The following OSBPL9 variants were observed in gnomAD, a reference collection of about 807,000 sequenced individuals.
The protein encoded by OSBPL9 is oxysterol binding protein like 9.
A neutral mutation model predicts 106.6 loss-of-function variants in OSBPL9; 40 were observed. The observed-to-expected ratio is 0.38, with a 90% CI of 0.29 to 0.49. The LOEUF is 0.49. OSBPL9 is among the 20% of genes least tolerant of loss of function. The pLI is 0.97. For missense variants in OSBPL9, 609 were observed against 887.2 expected (o/e 0.69, Z 3.98); for synonymous variants, 269 against 295.4 (o/e 0.91, Z 0.92).
intron 1 of OSBPL9, among the ~76,000 whole-genome samples, chr1:51,593,079 C>A (rs542424569): frequency 6.6e-6 from 1 of 152,132 alleles, no homozygotes; most frequent in Non-Finnish European, 1.5e-5. Context: ...CTTTTTGCAT[C>A]CCACTTTTCA....
At chr1:51,768,123 A>G (rs1215801598) in intron 12 of OSBPL9, among the ~76,000 whole-genome samples, 3 of 151,388 alleles carry the variant, frequency 2.0e-5, no homozygotes, top group Non-Finnish European at 4.4e-5. Flanking sequence ...TTGTATTTTT[A>G]GTAGAGACGG....
chr1:51,555,920 A>G, the OSBPL9 span, among the ~76,000 whole-genome samples: 31 of 152,214 alleles, frequency 2.0e-4, no homozygotes, highest in Non-Finnish European at 3.5e-4. Flanking sequence ...TTTTTTTAAA[A>G]TAACATTTTT....
At chr1:51,521,257 T>C in the OSBPL9 span, among the ~76,000 whole-genome samples, 1 of 152,202 alleles carries the variant, frequency 6.6e-6, no homozygotes, top group Non-Finnish European at 1.5e-5. Flanking sequence ...AGATGACATA[T>C]ACAAAAGTGC....
At chr1:51,748,279 G>T (rs1668464243) in intron 6 of OSBPL9, 90 bp from the exon 7 acceptor site, 1 of 1,437,664 alleles carries the variant, frequency 7.0e-7, no homozygotes, top group Admixed American at 3.2e-5. Flanking sequence ...GTACATTTTG[G>T]TAAAATTCTT....
chr1:51,595,097 TC>T (rs1327736363), intron 1 of OSBPL9, among the ~76,000 whole-genome samples: 1 of 152,064 alleles, frequency 6.6e-6, no homozygotes, highest in Non-Finnish European at 1.5e-5. Context: ...CTGGCTGCCC[TC>T]CATTCGAGGC....
At chr1:51,785,475 C>G in intron 20 of OSBPL9, 1 of 263,504 alleles carries the variant, frequency 3.8e-6, no homozygotes, top group Non-Finnish European at 7.2e-6. Flanking sequence ...CAGCACTTAC[C>G]ACCTAGAATT....
intron 1 of OSBPL9, among the ~76,000 whole-genome samples, chr1:51,644,222 C>T (rs1646002425): frequency 6.6e-6 from 1 of 151,662 alleles, no homozygotes; most frequent in Non-Finnish European, 1.5e-5. Context: ...CTTATGACCT[C>T]ATGAAAGAAG....
intron 4 of OSBPL9, among the ~76,000 whole-genome samples, chr1:51,717,846 A>G (rs544459416): frequency 2.0e-5 from 3 of 152,090 alleles, no homozygotes; most frequent in Non-Finnish European, 2.9e-5. Context: ...TAATCCAGCA[A>G]TCCCACTGCT....
At chr1:51,571,403 T>C in the OSBPL9 span, among the ~76,000 whole-genome samples, 3 of 152,320 alleles carry the variant, frequency 2.0e-5, no homozygotes, top group South Asian at 4.1e-4. Flanking sequence ...TGGTGGTTCA[T>C]GCCTCTAATC....
chr1:51,678,718 T>C (rs1651862705), intron 3 of OSBPL9, among the ~76,000 whole-genome samples: 1 of 152,172 alleles, frequency 6.6e-6, no homozygotes, highest in South Asian at 2.1e-4. Flanking sequence ...TTGTTGATGT[T>C]ATGGTGAAGG....
chr1:51,631,059 C>G (rs913559445), intron 1 of OSBPL9, among the ~76,000 whole-genome samples: 1 of 152,176 alleles, frequency 6.6e-6, no homozygotes, highest in South Asian at 2.1e-4. Flanking sequence ...TGGCCTCACT[C>G]TGAGGTTAGG....
intron 2 of OSBPL9, among the ~76,000 whole-genome samples, chr1:51,654,493 A>G (rs1646704877): frequency 6.6e-6 from 1 of 152,168 alleles, no homozygotes; most frequent in Non-Finnish European, 1.5e-5. Flanking sequence ...AACCACTTAT[A>G]TATGTGTTTA....
intron 4 of OSBPL9, chr1:51,730,229 G>GA (rs1342975934): frequency 3.5e-5 from 39 of 1,111,880 alleles, no homozygotes; most frequent in Non-Finnish European, 4.0e-5. Context: ...GTTCCACCGA[G>GA]AGGGCATTCG....
At chr1:51,675,364 A>T (rs115760167) in intron 3 of OSBPL9, among the ~76,000 whole-genome samples, 1,920 of 151,642 alleles carry the variant, frequency 0.013, 37 homozygotes, top group African/African-American at 0.042. Flanking sequence ...TTAATTAATT[A>T]ATTAATTTAT....
intron 2 of OSBPL9, among the ~76,000 whole-genome samples, chr1:51,658,685 A>G (rs1646962542): frequency 1.3e-5 from 2 of 152,232 alleles, no homozygotes; most frequent in Admixed American, 1.3e-4. Flanking sequence ...GTGCACCATG[A>G]CAGAATATTA....
chr1:51,717,613 G>A (rs1661294233), intron 4 of OSBPL9, among the ~76,000 whole-genome samples: 1 of 151,166 alleles, frequency 6.6e-6, no homozygotes, highest in Non-Finnish European at 1.5e-5. Context: ...TAACATCATT[G>A]ATCATCAGAG....
intron 4 of OSBPL9, among the ~76,000 whole-genome samples, chr1:51,714,913 C>T (rs1375702332): frequency 6.6e-6 from 1 of 152,124 alleles, no homozygotes; most frequent in South Asian, 2.1e-4. Flanking sequence ...CTACCCAACC[C>T]GACCCGCACC....
At chr1:51,603,951 A>G (rs1643913241) in intron 2 of OSBPL9, among the ~76,000 whole-genome samples, 1 of 152,204 alleles carries the variant, frequency 6.6e-6, no homozygotes, top group African/African-American at 2.4e-5. Context: ...AGTGCAGGGC[A>G]CATTCAAGGT....
chr1:51,530,172 AAAAAAAAAAAAAAAAAAAAAC>A, the OSBPL9 span, among the ~76,000 whole-genome samples: 2 of 96,206 alleles, frequency 2.1e-5, no homozygotes, highest in Admixed American at 1.0e-4. Flanking sequence ...CTCTGTCTCA[AAAAAAAAAAAAAAAAAAAAAC>A]AAAAAAAAAA....
Sources: allele counts gnomAD v4.1 joint callset (sites outside exome capture counted in the v4.1 genomes callset), GRCh38; gene constraint gnomAD v4.1.1; transcripts MANE v1.5; gene names NCBI Gene and HGNC (gene_info 2026-07-23, HGNC 2026-07-21).